SLC28A1: variants seen among roughly 807,000 people sequenced by gnomAD.
SLC28A1 encodes sodium/nucleoside cotransporter 1.
A neutral mutation model predicts 74.8 loss-of-function variants in SLC28A1; 64 were observed. The observed-to-expected ratio is 0.86, with a 90% CI of 0.70 to 1.05. SLC28A1 has a LOEUF of 1.05. Among genes scored for constraint, SLC28A1 ranks in the 50% least tolerant of loss-of-function variants. The probability of loss-of-function intolerance (pLI) is 0.00; values close to 1 mark genes in which losing one functional copy is unlikely to be tolerated. For synonymous variants in SLC28A1, 359 were observed against 335.0 expected (o/e 1.07, Z -0.78); for missense variants, 828 against 822.8 (o/e 1.01, Z -0.08).
intron 15 of SLC28A1, among the ~76,000 whole-genome samples, chr15:84,937,053 TAAAA>T (rs33988815): frequency 3.4e-5 from 5 of 147,522 alleles, no homozygotes; most frequent in Admixed American, 1.3e-4. Flanking sequence ...ACCCTGTCTT[TAAAA>T]AAAAAAAAAG....
At chr15:84,923,270 A>G (rs2141930865) in intron 11 of SLC28A1, among the ~76,000 whole-genome samples, 1 of 152,212 alleles carries the variant, frequency 6.6e-6, no homozygotes, top group South Asian at 2.1e-4. Flanking sequence ...ACCAGTAGGC[A>G]TTATCACACA....
At chr15:84,889,318 A>G (rs1376994904) in intron 4 of SLC28A1, among the ~76,000 whole-genome samples, 1 of 152,214 alleles carries the variant, frequency 6.6e-6, no homozygotes, top group African/African-American at 2.4e-5. Context: ...TGAGGTGAGC[A>G]TAGAACTCCA....
At position 84,935,110 on chromosome 15, in the gene SLC28A1, T is replaced by G; in HGVS notation, c.1299T>G (p.Ile433Met). The G allele has an allele frequency of 6.2e-7, 1 of 1,614,128 alleles. No individual in the cohort carries two copies. Among genetic ancestry groups the G allele is most frequent in the South Asian group, 1.1e-5 (1 of 91,070 alleles). ...KVVANIAANL[I>M]AFLAVLDFIN... ...TCGCCAACATCGCTGCCAACCTGAT[T>G]GCGTTCCTGGCTGTGCTGGACTTTA... Residue 433 changes from isoleucine to methionine, a missense_variant, in exon 14 of 19, where the codon ATT (isoleucine) becomes ATG (methionine). Coordinates refer to ENST00000394573, the MANE Select transcript of SLC28A1 (RefSeq NM_004213.5).
At chr15:84,913,504 G>C (rs901632507) in intron 9 of SLC28A1, among the ~76,000 whole-genome samples, 2 of 152,196 alleles carry the variant, frequency 1.3e-5, no homozygotes, top group Admixed American at 6.5e-5. Context: ...TGGTGTCCAG[G>C]TCAGCTGCAC....
At chr15:84,968,725 G>A in the SLC28A1 span, among the ~76,000 whole-genome samples, 1 of 152,250 alleles carries the variant, frequency 6.6e-6, no homozygotes, top group Non-Finnish European at 1.5e-5. Flanking sequence ...TCTTGAGAAC[G>A]ATCTGTTGCC....
In SLC28A1 at chr15:84,919,834, G is replaced by A. The variant is rs1034733297; in HGVS notation, c.877-1155G>A. On this transcript the variant is annotated intron_variant, in intron 10 of 18. Transcript: ENST00000394573. ...CAAATTTCAACATGAGTTTAGGTGG[G>A]GATATTCAAACCATAGCAGTTATGT... Among the ~76,000 whole-genome samples the A allele has an allele frequency of 4.9e-4, 75 of 152,020 alleles. 1 individual carries two copies. The highest frequency in any genetic ancestry group is 6.6e-5 in the Admixed American group (1 of 15,248).
chr15:84,889,368 A>G (rs942832790), intron 4 of SLC28A1, among the ~76,000 whole-genome samples: 2 of 152,002 alleles, frequency 1.3e-5, no homozygotes. Context: ...TGTTGGCCAG[A>G]TCCGGAGCTG....
At chr15:84,924,494 G>C (rs1970243639) in intron 12 of SLC28A1, among the ~76,000 whole-genome samples, 1 of 152,112 alleles carries the variant, frequency 6.6e-6, no homozygotes, top group Non-Finnish European at 1.5e-5. Context: ...TGTCCCTAGA[G>C]ATCCGTCCTA....
intron 9 of SLC28A1, among the ~76,000 whole-genome samples, chr15:84,911,587 C>G (rs974200690): frequency 6.6e-6 from 1 of 151,674 alleles, no homozygotes; most frequent in Non-Finnish European, 1.5e-5. Context: ...TTAGGCTGGG[C>G]GTGGTGGCTC....
At chr15:84,975,384 T>G in the SLC28A1 span, 1 of 413,064 alleles carries the variant, frequency 2.4e-6, no homozygotes, top group Middle Eastern at 3.4e-4. Flanking sequence ...TTCTAACTCA[T>G]GTCTTATTGC....
the SLC28A1 span, among the ~76,000 whole-genome samples, chr15:84,951,439 T>TA: frequency 0.52 from 60,109 of 115,978 alleles, 13,598 homozygotes; most frequent in South Asian, 0.68. Context: ...AAAAAATAAT[T>TA]AAAAAAAAAA....
At chr15:84,961,481 G>A in the SLC28A1 span, 1 of 453,426 alleles carries the variant, frequency 2.2e-6, no homozygotes, top group Non-Finnish European at 4.4e-6. Context: ...ACATGTATGT[G>A]CCGTCACACC....
At chr15:84,963,574 G>C in the SLC28A1 span, among the ~76,000 whole-genome samples, 1 of 152,166 alleles carries the variant, frequency 6.6e-6, no homozygotes, top group Non-Finnish European at 1.5e-5. Flanking sequence ...GACAGGGCTG[G>C]CTTCTCTTCA....
chr15:84,969,036 G>T, the SLC28A1 span, among the ~76,000 whole-genome samples: 1 of 152,140 alleles, frequency 6.6e-6, no homozygotes, highest in Non-Finnish European at 1.5e-5. Context: ...AGAAAATGTG[G>T]CTTTTATATG....
intron 16 of SLC28A1, among the ~76,000 whole-genome samples, chr15:84,943,983 G>A (rs11856119): frequency 0.023 from 3,510 of 152,298 alleles, 135 homozygotes; most frequent in African/African-American, 0.081. Flanking sequence ...TGCTGCTGCT[G>A]GTGGCCCAGG....
At chr15:84,895,641 G>A (rs1190179093) in intron 6 of SLC28A1, 2 of 1,437,266 alleles carry the variant, frequency 1.4e-6, no homozygotes, top group Middle Eastern at 2.6e-4. Context: ...CAGGGCAGGA[G>A]AGGGAGGTTG....
In SLC28A1 at chr15:84,943,463, A is replaced by C. The variant is rs762732088; in HGVS notation, c.1600A>C (p.Thr534Pro). 2.5e-6 allele frequency: 4 copies of C among 1,614,020 alleles called. No individual in the cohort carries two copies. In the East Asian group the frequency reaches 8.9e-5, roughly 36 times the overall value. The stretch of plus-strand genomic sequence containing the variant: ...TTTTCAGGTCAGAGCTGAAGTCCTC[A>C]CGACGTTTGCCCTCTGTGGATTTGC... ...QWISVRAEVL[T>P]TFALCGFANF... The change falls in exon 16 of 19, where the codon ACG becomes CCG. Residue 534 changes from threonine to proline, a missense_variant. By Grantham distance (38) the Thr-to-Pro change is conservative. Around this residue, in one of 3 missense-constraint regions of SLC28A1, gnomAD observed 767 missense variants for 753.5 expected, o/e 1.02. Transcript: ENST00000394573.
intron 6 of SLC28A1, among the ~76,000 whole-genome samples, chr15:84,897,058 T>C (rs897387949): frequency 1.3e-5 from 2 of 151,876 alleles, no homozygotes; most frequent in Non-Finnish European, 1.5e-5. Flanking sequence ...TGCACAAATC[T>C]GTAACTATAC....
rs193118340 is a variant in SLC28A1 at position 84,930,779 on chromosome 15, T to G, written c.1084-2366T>G. Reference sequence around the variant, plus strand: ...CACCACCACACCAGGCTAATTTTTGTTTTTTTTTGAGATGGAGTCTCGCAC... The same window carrying G: ...CACCACCACACCAGGCTAATTTTTGGTTTTTTTTGAGATGGAGTCTCGCAC... On this transcript the variant is annotated intron_variant, in intron 12 of 18. Coordinates refer to ENST00000394573, the MANE Select transcript of SLC28A1 (RefSeq NM_004213.5). Among the ~76,000 whole-genome samples, 87 of 150,348 alleles carry G rather than the reference T, an allele frequency of 5.8e-4. No homozygotes were observed. In the East Asian group the frequency reaches 0.016, roughly 28 times the overall value.
Sources: allele counts gnomAD v4.1 joint callset (sites outside exome capture counted in the v4.1 genomes callset), GRCh38; gene constraint gnomAD v4.1.1; regional missense constraint gnomAD v4.1.1; transcripts MANE v1.5; gene names NCBI Gene and HGNC (gene_info 2026-07-23, HGNC 2026-07-21).